The following SAMSN1 variants were observed in gnomAD, a reference collection of about 807,000 sequenced individuals.
The protein encoded by SAMSN1 is SAM domain-containing protein SAMSN-1.
A neutral mutation model predicts 42.0 loss-of-function variants in SAMSN1; 31 were observed. The observed-to-expected ratio is 0.74, with a 90% confidence interval of 0.55 to 1.00. The LOEUF (loss-of-function observed/expected upper bound fraction) is 1.00, where lower values mean the gene tolerates loss of function less well. Ranked by LOEUF, SAMSN1 falls within the 50% of genes least tolerant of loss-of-function variation. The probability of loss-of-function intolerance (pLI) is 0.00; values close to 1 mark genes in which losing one functional copy is unlikely to be tolerated. For synonymous variants in SAMSN1, 178 were observed against 151.9 expected (o/e 1.17, Z -1.26); for missense variants, 464 against 439.4 (o/e 1.06, Z -0.50).
At chr21:14,618,179 A>G (rs1982894127) in intron 2 of SAMSN1, among the ~76,000 whole-genome samples, 1 of 152,196 alleles carries the variant, frequency 6.6e-6, no homozygotes, top group South Asian at 2.1e-4. Context: ...GAATCAGTTT[A>G]GGTTTGGGAA....
At chr21:14,636,578 C>G (rs1374919160) in intron 2 of SAMSN1, among the ~76,000 whole-genome samples, 1 of 152,180 alleles carries the variant, frequency 6.6e-6, no homozygotes, top group Admixed American at 6.5e-5. Context: ...CATGGTGGCT[C>G]AAGCTTGTAA....
intron 1 of SAMSN1, among the ~76,000 whole-genome samples, chr21:14,658,357 C>T (rs963610078): frequency 3.3e-5 from 5 of 151,718 alleles, no homozygotes; most frequent in African/African-American, 1.2e-4. Context: ...ACTCAAGGAA[C>T]AAAGAAGAAA....
At chr21:14,540,634 C>G (rs952307022) in intron 1 of SAMSN1, among the ~76,000 whole-genome samples, 1 of 152,142 alleles carries the variant, frequency 6.6e-6, no homozygotes, top group African/African-American at 2.4e-5. Flanking sequence ...CAGGAAACAA[C>G]AGGTGCTGGA....
intron 2 of SAMSN1, among the ~76,000 whole-genome samples, chr21:14,572,691 AG>A (rs1393579301): frequency 2.0e-5 from 3 of 152,180 alleles, no homozygotes; most frequent in Admixed American, 1.3e-4. Context: ...CCTTGAAGGC[AG>A]GGTCTCTAAT....
At chr21:14,646,854 A>C (rs1025619541) in intron 1 of SAMSN1, among the ~76,000 whole-genome samples, 1 of 152,200 alleles carries the variant, frequency 6.6e-6, no homozygotes, top group African/African-American at 2.4e-5. Flanking sequence ...TCAGCAGGTT[A>C]AAATAATGAG....
intron 2 of SAMSN1, among the ~76,000 whole-genome samples, chr21:14,639,826 T>G (rs1983551559): frequency 6.6e-6 from 1 of 152,174 alleles, no homozygotes; most frequent in African/African-American, 2.4e-5. Context: ...CCTCCAATAC[T>G]TTATGCCTTT....
At chr21:14,593,068 T>G (rs999271490) in intron 7 of SAMSN1, among the ~76,000 whole-genome samples, 2 of 152,134 alleles carry the variant, frequency 1.3e-5, no homozygotes, top group Admixed American at 6.6e-5. Flanking sequence ...TCCTCCTACC[T>G]AGCACAACTT....
At chr21:14,643,024 T>C (rs1983631654) in exon 2 of SAMSN1, 2 of 717,330 alleles carry the variant, frequency 2.8e-6, no homozygotes, top group Non-Finnish European at 5.2e-6. Context: ...GTTTGGTGTT[T>C]GTTCACTCTC....
intron 5 of SAMSN1, 59 bp from the exon 6 acceptor site, chr21:14,500,794 T>C (rs558436067): frequency 2.3e-6 from 3 of 1,308,574 alleles, no homozygotes; most frequent in Non-Finnish European, 3.3e-6. Context: ...ATAGAAAGAA[T>C]GAAATCATAG....
At chr21:14,581,344 CTTTTTTTTTTTTTTTTTTT>C (rs56728511) in intron 2 of SAMSN1, among the ~76,000 whole-genome samples, 2 of 32,588 alleles carry the variant, frequency 6.1e-5, no homozygotes, top group Admixed American at 6.1e-4. Context: ...AATAATATTT[CTTTTTTTTTTTTTTTTTTT>C]TTTTTTTTTT....
intron 2 of SAMSN1, among the ~76,000 whole-genome samples, chr21:14,574,068 C>T (rs1024874693): frequency 8.5e-5 from 13 of 152,166 alleles, no homozygotes; most frequent in Admixed American, 3.3e-4. Context: ...AACATTCAGG[C>T]TTCTCTCCTG....
rs1008485970 is a variant in SAMSN1, at chr21:14,625,411, A to T, written c.157-9395T>A. ...CTCAGCCCTAAATCTCCTTAAGCTG[A>T]TAAGCAACTTCAGCCAAGTCTCAGG... is the stretch of plus-strand genomic sequence containing the variant. On this transcript the variant is annotated intron_variant, in intron 2 of 15. Coordinates refer to the SAMSN1 transcript ENST00000647101. Among the ~76,000 whole-genome samples the T allele has an allele frequency of 4.6e-5, 7 of 152,220 alleles. 1 individual carries two copies. Among genetic ancestry groups the T allele is most frequent in the Admixed American group, 2.6e-4 (4 of 15,274 alleles).
intron 2 of SAMSN1, among the ~76,000 whole-genome samples, chr21:14,517,334 C>T (rs546986215): frequency 6.6e-6 from 1 of 152,302 alleles, no homozygotes; most frequent in South Asian, 2.1e-4. Flanking sequence ...ATTGAAGAAT[C>T]ATTTTATTCC....
At chr21:14,543,758 G>A (rs528118173) in intron 1 of SAMSN1, among the ~76,000 whole-genome samples, 1 of 151,830 alleles carries the variant, frequency 6.6e-6, no homozygotes, top group East Asian at 1.9e-4. Flanking sequence ...CCTACTATAG[G>A]ATTTACAATT....
intron 5 of SAMSN1, chr21:14,602,215 C>T (rs1013287379): frequency 3.1e-5 from 11 of 352,946 alleles, no homozygotes; most frequent in South Asian, 1.3e-4. Flanking sequence ...ACATTGGCTA[C>T]GTCAAAAATA....
At chr21:14,630,657 G>A (rs1983304838) in intron 2 of SAMSN1, among the ~76,000 whole-genome samples, 1 of 152,176 alleles carries the variant, frequency 6.6e-6, no homozygotes, top group South Asian at 2.1e-4. Context: ...GAAAAGTGCA[G>A]TCTTTTTAGT....
intron 4 of SAMSN1, among the ~76,000 whole-genome samples, chr21:14,611,412 C>T (rs1170898192): frequency 2.0e-5 from 3 of 152,176 alleles, no homozygotes; most frequent in Non-Finnish European, 4.4e-5. Context: ...GCATTGATAA[C>T]ACAAATGTTG....
chr21:14,497,224 G>A (rs56000958), intron 7 of SAMSN1, among the ~76,000 whole-genome samples: 3,284 of 152,274 alleles, frequency 0.022, 94 homozygotes, highest in African/African-American at 0.074. Flanking sequence ...GTACTCAAGA[G>A]AATAATCAGG....
upstream of SAMSN1, among the ~76,000 whole-genome samples, chr21:14,548,887 C>T (rs1189381875): frequency 6.6e-6 from 1 of 151,928 alleles, no homozygotes; most frequent in Non-Finnish European, 1.5e-5. Context: ...CAGAGCACAC[C>T]TCACTACTGA....
Sources: gnomAD v4.1 joint callset for allele counts (sites outside exome capture counted in the v4.1 genomes callset) on GRCh38, gnomAD v4.1.1 for gene constraint, MANE v1.5 for transcripts, NCBI Gene and HGNC (gene_info 2026-07-23, HGNC 2026-07-21) for gene names.